Variants in SLC6A14 observed in about 807,000 individuals in gnomAD.
SLC6A14 encodes sodium- and chloride-dependent neutral and basic amino acid transporter B(0+).
A neutral mutation model predicts 51.4 loss-of-function variants in SLC6A14; 21 were observed. The ratio of observed to expected loss-of-function variants is 0.41; its 90% CI spans 0.29 to 0.59. The LOEUF (loss-of-function observed/expected upper bound fraction) is 0.59. Ranked by LOEUF, SLC6A14 falls within the 20% of genes least tolerant of loss-of-function variation. The probability of loss-of-function intolerance (pLI) is 0.31; values close to 1 mark genes in which losing one functional copy is unlikely to be tolerated. For missense variants in SLC6A14, 371 were observed against 472.8 expected (o/e 0.78, Z 2.00); for synonymous variants, 177 against 160.7 (o/e 1.10, Z -0.77).
chrX:116,455,303 G>A (rs1927910387), intron 11 of SLC6A14, 54 bp from the exon 12 acceptor site: 1 of 971,279 alleles, frequency 1.0e-6, no homozygotes, highest in African/African-American at 1.9e-5. Context: ...ATGCCATAAT[G>A]GTTACTGGAA....
At chrX:116,446,953 TC>T in intron 7 of SLC6A14, 72 bp downstream of exon 7, 1 of 900,822 alleles carries the variant, frequency 1.1e-6, no homozygotes, top group African/African-American at 1.9e-5. Flanking sequence ...CATCTTTGGT[TC>T]CATATGAATA....
intron 1 of SLC6A14, 140 bp from the exon 2 acceptor site, chrX:116,437,650 C>A: frequency 5.1e-6 from 3 of 589,652 alleles, no homozygotes; most frequent in Non-Finnish European, 7.9e-6. Flanking sequence ...ATCTCCCCAA[C>A]TTTCTAAAGC....
chrX:116,441,048 T>C lies in SLC6A14; in HGVS notation c.297T>C (p.Phe99=). ...TTCTGGAGTGTTCACTGGGACAATT[T>C]GCTAGCTTAGGTCCAGTTTCAGTTT... ...LFFLECSLGQ[F]ASLGPVSVWR... Residue 99 remains phenylalanine, a synonymous_variant, in exon 3 of 14, where the codon TTT becomes TTC. Coordinates refer to ENST00000598581, the MANE Select transcript of SLC6A14 (RefSeq NM_007231.5). The C allele has an allele frequency of 8.3e-7, 1 of 1,210,734 alleles. No homozygotes were observed. Among genetic ancestry groups the C allele is most frequent in the Non-Finnish European group, 1.1e-6 (1 of 894,534 alleles).
At position 116,459,107 on chromosome X, in the gene SLC6A14, A is replaced by G. The variant is rs1927992520; in HGVS notation, c.*152A>G. 2.4e-6 allele frequency: 1 copy of G among 422,377 alleles called. No individual in the cohort carries two copies. Among genetic ancestry groups the G allele is most frequent in the Non-Finnish European group, 3.9e-6 (1 of 254,360 alleles). The allele number at this position is 422,377 out of a possible 1,213,427, so 34.8% of individuals were successfully genotyped here. On this transcript the variant is annotated 3_prime_UTR_variant, in exon 14 of 14. Transcript: ENST00000598581. ...TCACATTTAAGCAGGAATGCAATAT[A>G]AAAATGTGAATCTCTTAATTCTCAG...
chrX:116,446,927 A>G (rs1158032696), intron 7 of SLC6A14, 46 bp downstream of exon 7: 2 of 1,085,696 alleles, frequency 1.8e-6, no homozygotes, highest in Non-Finnish European at 2.5e-6. Context: ...GGTAAATCTT[A>G]AAAGTAAATG....
chrX:116,440,371 G>A (rs781999778), intron 2 of SLC6A14, among the ~76,000 whole-genome samples: 24 of 111,993 alleles, frequency 2.1e-4, no homozygotes, highest in Non-Finnish European at 3.8e-5. Flanking sequence ...ACTCTTTGGA[G>A]AATAATAAAC....
intron 8 of SLC6A14, among the ~76,000 whole-genome samples, chrX:116,451,902 T>A (rs1452950498): frequency 1.8e-5 from 2 of 111,980 alleles, no homozygotes; most frequent in Non-Finnish European, 3.8e-5. Flanking sequence ...GGATGTTTAA[T>A]TTTGTTTAGT....
Position 116,459,921 on chromosome X carries a change from T to C in SLC6A14, c.*966T>C, listed in dbSNP as rs1484260327. 2.7e-5 allele frequency: 3 copies of C among 111,855 alleles called. No individual in the cohort carries two copies. Among genetic ancestry groups the C allele is most frequent in the Non-Finnish European group, 5.7e-5 (3 of 53,057 alleles). The allele number at this position is 111,855 out of a possible 1,213,427, so 9.2% of individuals were successfully genotyped here. A position where few individuals can be genotyped will look rare whatever the true frequency, so the allele number is the denominator to read the frequency against. On this transcript the variant is annotated 3_prime_UTR_variant, in exon 14 of 14. Transcript: ENST00000598581. ...CTTACAGGTGATAACTTGCATACTA[T>C]TGGAAGATAAACTTGTCAAACTTGT...
rs1452533314 is a variant in SLC6A14 at position 116,436,686 on chromosome X, C to A, written c.-24C>A. 9.5e-6 allele frequency: 11 copies of A among 1,160,173 alleles called. No homozygotes were observed. Among genetic ancestry groups the A allele is most frequent in the African/African-American group, 1.8e-5 (1 of 56,077 alleles). On this transcript the variant is annotated 5_prime_UTR_variant, in exon 1 of 14. Coordinates refer to ENST00000598581, the MANE Select transcript of SLC6A14 (RefSeq NM_007231.5). ...AGCCAGACTGCAAGAGGAGGCGAGG[C>A]GGAGCCAGCCGAGGGAGTGAACCAT...
intron 2 of SLC6A14, among the ~76,000 whole-genome samples, chrX:116,440,276 G>T (rs1556693571): frequency 8.9e-6 from 1 of 112,105 alleles, no homozygotes; most frequent in African/African-American, 3.2e-5. Context: ...GAAATTGAAA[G>T]TTAACTACAA....
Position 116,436,833 on chromosome X carries a change from T to G in SLC6A14, c.48+76T>G. Reference sequence around the variant, plus strand: ...TTAAGGGGGGTTGCTAGTCTCAGTTTTTGCTTTCTGTGGCTGTTCCTTGTG... The same window carrying G: ...TTAAGGGGGGTTGCTAGTCTCAGTTGTTGCTTTCTGTGGCTGTTCCTTGTG... On this transcript the variant is annotated intron_variant, in intron 1 of 13. Transcript: ENST00000598581. The G allele has an allele frequency of 3.1e-6, 3 of 970,832 alleles. No homozygotes were observed. The Admixed American group carries it at 8.4e-5, about 27-fold the overall frequency. The allele number at this position is 970,832 out of a possible 1,213,427, so 80.0% of individuals were successfully genotyped here. A position where few individuals can be genotyped will look rare whatever the true frequency, so the allele number is the denominator to read the frequency against.
At chrX:116,442,110 C>A (rs1927610240) in intron 3 of SLC6A14, among the ~76,000 whole-genome samples, 1 of 111,757 alleles carries the variant, frequency 8.9e-6, no homozygotes, top group Non-Finnish European at 1.9e-5. Context: ...GCGCTTACCA[C>A]AAGTCTTCTG....
intron 12 of SLC6A14, 67 bp downstream of exon 12, chrX:116,455,533 C>T: frequency 2.7e-6 from 2 of 740,748 alleles, no homozygotes; most frequent in Non-Finnish European, 4.1e-6. Flanking sequence ...CTTAATAATT[C>T]ACATTGAAGA....
chrX:116,437,781 CT>C lies in SLC6A14; in HGVS notation c.49-7del. The C allele has an allele frequency of 1.7e-6, 2 of 1,189,942 alleles. No homozygotes were observed. The highest frequency in any genetic ancestry group is 1.9e-5 in the South Asian group (1 of 53,622). On this transcript the variant is annotated splice_region_variant and splice_polypyrimidine_tract_variant and intron_variant, in intron 1 of 13. Coordinates refer to ENST00000598581, the MANE Select transcript of SLC6A14 (RefSeq NM_007231.5). Reference sequence around the variant, plus strand: ...GAAAGGCAAGCTGTTGATATTTTTTCTTCCCCAGAAAGTGTCGGCTTCATCA... The same window carrying C: ...GAAAGGCAAGCTGTTGATATTTTTTCTCCCCAGAAAGTGTCGGCTTCATCA...
At chrX:116,455,125 G>C in intron 11 of SLC6A14, 49 bp downstream of exon 11, 1 of 934,513 alleles carries the variant, frequency 1.1e-6, no homozygotes, top group Non-Finnish European at 1.5e-6. Context: ...AAATAGTTTA[G>C]TTTGATTCAT....
intron 13 of SLC6A14, 68 bp downstream of exon 13, chrX:116,457,844 C>A: frequency 1.3e-6 from 1 of 798,485 alleles, no homozygotes; most frequent in Non-Finnish European, 1.8e-6. Context: ...TTAATTTACT[C>A]ACATGGTAGT....
chrX:116,441,161 G>C lies in SLC6A14; in HGVS notation c.346+64G>C, dbSNP rs1250434430. ...CTTCACCATGCTTTTTTGTATATTT[G>C]TGCATATAGCTACCTTCACTGTGAG... On this transcript the variant is annotated intron_variant, in intron 3 of 13. Transcript: ENST00000598581. The C allele has an allele frequency of 7.3e-6, 8 of 1,098,331 alleles. No homozygotes were observed. In the African/African-American group the frequency reaches 1.3e-4, roughly 18 times the overall value. 90.5% of individuals were successfully genotyped at this position (1,098,331 alleles called of 1,213,427 possible).
chrX:116,437,382 C>G (rs1927503058), intron 1 of SLC6A14, among the ~76,000 whole-genome samples: 1 of 111,263 alleles, frequency 9.0e-6, no homozygotes, highest in African/African-American at 3.3e-5. Context: ...ATGACTTTAT[C>G]TAATTCATCT....
chrX:116,457,852 A>G, intron 13 of SLC6A14, 76 bp downstream of exon 13: 1 of 752,236 alleles, frequency 1.3e-6, no homozygotes, highest in Non-Finnish European at 2.0e-6. Context: ...CTCACATGGT[A>G]GTAATATGAG....
Sources: allele counts gnomAD v4.1 joint callset (sites outside exome capture counted in the v4.1 genomes callset), GRCh38; gene constraint gnomAD v4.1.1; transcripts MANE v1.5; gene names NCBI Gene and HGNC (gene_info 2026-07-23, HGNC 2026-07-21).